Variants in ABCA9 observed in about 807,000 individuals in gnomAD.
ABCA9 encodes the protein ATP-binding cassette sub-family A member 9.
ABCA9 carries 183 observed loss-of-function variants against 205.3 expected under a neutral mutation model. The ratio of observed to expected loss-of-function variants is 0.89; its 90% CI spans 0.79 to 1.01. ABCA9 has a LOEUF of 1.01. Among genes scored for constraint, ABCA9 ranks in the 50% least tolerant of loss-of-function variants. The pLI is 0.00. For synonymous variants in ABCA9, 651 were observed against 683.3 expected, an observed-to-expected ratio of 0.95 and a Z score of 0.74; for missense variants, 1,805 against 1,912.4, an observed-to-expected ratio of 0.94 and a Z score of 1.05.
At chr17:69,078,209 TG>T in the ABCA9 span, among the ~76,000 whole-genome samples, 1 of 54,070 alleles carries the variant, frequency 1.8e-5, no homozygotes, top group Admixed American at 1.8e-4. Flanking sequence ...TTGTTTTTGT[TG>T]TTTTTTTTTT....
At chr17:69,073,470 T>A in the ABCA9 span, among the ~76,000 whole-genome samples, 23 of 152,134 alleles carry the variant, frequency 1.5e-4, no homozygotes, top group Non-Finnish European at 2.9e-4. Context: ...CACAACTACA[T>A]GGAAACTGAA....
In ABCA9 at chr17:69,046,875, C is replaced by CTATATATA. The variant is rs71144650; in HGVS notation, c.305-1547_305-1540dup. Among the ~76,000 whole-genome samples, 367 of 127,654 alleles carry CTATATATA rather than the reference C, an allele frequency of 2.9e-3. 3 individuals are homozygous for CTATATATA. Among genetic ancestry groups the CTATATATA allele is most frequent in the African/African-American group, 7.0e-3 (232 of 33,314 alleles). 83.7% of individuals were successfully genotyped at this position (127,654 alleles called of 152,430 possible). A position where few individuals can be genotyped will look rare whatever the true frequency, so the allele number is the denominator to read the frequency against. The stretch of plus-strand genomic sequence containing the variant: ...CACATTGCCTGAAGGCGATTTTATA[C>CTATATATA]TATATATATATATATATATATATAT... On this transcript the variant is annotated intron_variant, in intron 3 of 38. Coordinates refer to ENST00000340001, the MANE Select transcript of ABCA9 (RefSeq NM_080283.4).
chr17:69,054,782 C>T (rs1365476298), intron 1 of ABCA9, among the ~76,000 whole-genome samples: 1 of 151,482 alleles, frequency 6.6e-6, no homozygotes, highest in Non-Finnish European at 1.5e-5. Context: ...AAATGAATGA[C>T]AGTAATGATA....
the ABCA9 span, among the ~76,000 whole-genome samples, chr17:69,072,080 G>A: frequency 6.6e-6 from 1 of 152,146 alleles, no homozygotes; most frequent in Non-Finnish European, 1.5e-5. Context: ...AAGTCTCCAA[G>A]CAATATGGGA....
At chr17:69,045,945 A>G (rs2071692754) in intron 3 of ABCA9, among the ~76,000 whole-genome samples, 1 of 152,220 alleles carries the variant, frequency 6.6e-6, no homozygotes, top group African/African-American at 2.4e-5. Context: ...GCCAAACCAT[A>G]TCAAACAATA....
chr17:69,037,345 C>T (rs11077903), intron 6 of ABCA9, among the ~76,000 whole-genome samples: 70,343 of 151,930 alleles, frequency 0.46, 19,278 homozygotes, highest in Non-Finnish European at 0.61. Flanking sequence ...TGCAAAAGAA[C>T]GGAAATCATA....
At chr17:69,022,695 C>A (rs2070859670) in intron 17 of ABCA9, among the ~76,000 whole-genome samples, 1 of 151,620 alleles carries the variant, frequency 6.6e-6, no homozygotes, top group African/African-American at 2.4e-5. Context: ...TTTAAAAGGA[C>A]AAAATATGTA....
intron 21 of ABCA9, 47 bp downstream of exon 21, chr17:69,017,609 C>A: frequency 1.9e-6 from 3 of 1,607,280 alleles, no homozygotes; most frequent in South Asian, 1.1e-5. Context: ...AAATTGTACA[C>A]CCATAGTCCA....
In ABCA9 at chr17:69,016,365, T is replaced by G; in HGVS notation, c.2927A>C (p.Asn976Thr). 6.3e-7 allele frequency: 1 copy of G among 1,594,246 alleles called. No individual in the cohort carries two copies. ...EKDHRFSIAC[N>T]TKRLNCFPVL... ...AGGAAAGCAATTCAGCCGTTTTGTA[T>G]TACATGCTATTGAAAATCTGTGATC... The change falls in exon 22 of 39, where the codon AAT becomes ACT. Residue 976 changes from asparagine to threonine, a missense_variant. Asn to Thr is a moderately conservative substitution (Grantham distance 65). Transcript: ENST00000340001.
Position 69,026,377 on chromosome 17 carries a change from C to A in ABCA9, c.2141G>T (p.Ser714Ile), listed in dbSNP as rs937884708. The change falls in exon 16 of 39, where the codon AGT (serine) becomes ATT (isoleucine). Residue 714 changes from serine to isoleucine, a missense_variant and splice_region_variant. Ser to Ile is a moderately radical substitution (Grantham distance 142). Transcript: ENST00000340001. ...KKKWGIGYHL[S>I]LHLNERCDPE... ...ACGTCTCCAACATTCAGGGCTGTAC[C>A]TTAAATGGTAGCCTATGCCCCATTT... 33 of 1,612,572 alleles carry A rather than the reference C, an allele frequency of 2.0e-5. 2 individuals are homozygous for A. In the Admixed American group the frequency reaches 3.8e-4, roughly 19 times the overall value.
At chr17:68,997,226 C>A (rs561036722) in intron 25 of ABCA9, among the ~76,000 whole-genome samples, 1 of 152,194 alleles carries the variant, frequency 6.6e-6, no homozygotes, top group Non-Finnish European at 1.5e-5. Context: ...CCATTGAGCT[C>A]GGCCAAATTA....
chr17:69,004,677 A>C (rs2070047763), intron 25 of ABCA9: 1 of 165,538 alleles, frequency 6.0e-6, no homozygotes, highest in Non-Finnish European at 1.3e-5. Flanking sequence ...TTACCTAAGC[A>C]AGCCTGGGCA....
In ABCA9 at chr17:68,992,286, A is replaced by T. The variant is rs2069477325; in HGVS notation, c.3625-20T>A. 1 of 1,425,948 alleles carries T rather than the reference A, an allele frequency of 7.0e-7. No homozygotes were observed. Among genetic ancestry groups the T allele is most frequent in the Non-Finnish European group, 9.7e-7 (1 of 1,029,652 alleles). 88.3% of individuals were successfully genotyped at this position (1,425,948 alleles called of 1,614,324 possible). A position where few individuals can be genotyped will look rare whatever the true frequency, so the allele number is the denominator to read the frequency against. The stretch of plus-strand genomic sequence containing the variant: ...GTAAGGCTAGGGAAAAAGAAAGACA[A>T]TCACAATTAGTATCACTATAAATGC... On this transcript the variant is annotated intron_variant, in intron 27 of 38. Coordinates refer to ENST00000340001, the MANE Select transcript of ABCA9 (RefSeq NM_080283.4).
At chr17:68,992,889 ATGTG>A (rs1026542507) in intron 27 of ABCA9, 123 bp downstream of exon 27, 3 of 670,446 alleles carry the variant, frequency 4.5e-6, no homozygotes. Flanking sequence ...ATGCATGTGC[ATGTG>A]TGTGTTGCTT....
chr17:69,005,373 G>C (rs1469306763), intron 25 of ABCA9, among the ~76,000 whole-genome samples: 2 of 152,016 alleles, frequency 1.3e-5, no homozygotes, highest in Non-Finnish European at 2.9e-5. Context: ...TTAGACGTTG[G>C]GCCACAGTCC....
upstream of ABCA9, among the ~76,000 whole-genome samples, chr17:69,063,244 CATTTA>C (rs1722672399): frequency 6.6e-6 from 1 of 152,160 alleles, no homozygotes; most frequent in Non-Finnish European, 1.5e-5. Context: ...CCTTTTGCTT[CATTTA>C]TTTTGCGGCA....
chr17:69,014,989 G>A (rs1012561363), intron 22 of ABCA9, among the ~76,000 whole-genome samples: 18 of 152,056 alleles, frequency 1.2e-4, no homozygotes, highest in East Asian at 5.8e-4. Context: ...GACCACATAC[G>A]TAGAAACTGC....
chr17:68,980,256 A>G (rs1398777330), intron 37 of ABCA9, among the ~76,000 whole-genome samples: 1 of 152,136 alleles, frequency 6.6e-6, no homozygotes, highest in Non-Finnish European at 1.5e-5. Flanking sequence ...CACCAGTTAG[A>G]ATGGCGATCA....
rs867137271 is a variant in ABCA9, at chr17:69,003,996, C to T, written c.3435+3763G>A. On this transcript the variant is annotated intron_variant, in intron 25 of 38. Coordinates refer to ENST00000340001, the MANE Select transcript of ABCA9 (RefSeq NM_080283.4). ...GCTCCTTTAAGCACTTCTCTGTATT[C>T]GTTATTCTAGTTATACTTTCTTCTA... Among the ~76,000 whole-genome samples, 6 of 152,144 alleles carry T rather than the reference C, an allele frequency of 3.9e-5. No individual in the cohort carries two copies. The South Asian group carries it at 6.2e-4, about 16-fold the overall frequency.
Sources: allele counts gnomAD v4.1 joint callset (sites outside exome capture counted in the v4.1 genomes callset), GRCh38; gene constraint gnomAD v4.1.1; transcripts MANE v1.5; gene names NCBI Gene and HGNC (gene_info 2026-07-23, HGNC 2026-07-21).